The following NOL11 variants were observed in gnomAD, a reference collection of about 807,000 sequenced individuals.
NOL11 encodes nucleolar protein 11.
In NOL11, 42 loss-of-function variants were observed where a neutral mutation model predicts 93.0. The ratio of observed to expected loss-of-function variants is 0.45; its 90% CI spans 0.35 to 0.58. NOL11 has a LOEUF of 0.58. Among genes scored for constraint, NOL11 ranks in the 20% least tolerant of loss-of-function variants. NOL11 has a pLI of 0.00. For missense variants in NOL11, 775 were observed against 841.8 expected (o/e 0.92, Z 0.98); for synonymous variants, 296 against 293.7 (o/e 1.01, Z -0.08).
At position 67,719,713 on chromosome 17, in the gene NOL11, C is replaced by CA; in HGVS notation, c.183dup (p.Gly62ArgfsTer23). On this transcript the variant is annotated frameshift_variant, in exon 2 of 18. Coordinates refer to ENST00000253247, the MANE Select transcript of NOL11 (RefSeq NM_015462.5). LOFTEE classifies it high-confidence loss of function. ...ACCCTTGGGGAGCTGGTCAGTGAAACAAGGTCAAATTATAACATGTCCAGC... is the reference window on the plus strand; with the variant it reads ...ACCCTTGGGGAGCTGGTCAGTGAAACAAAGGTCAAATTATAACATGTCCAGC... 6.2e-7 allele frequency: 1 copy of CA among 1,609,752 alleles called. No individual in the cohort carries two copies. The highest frequency in any genetic ancestry group is 8.5e-7 in the Non-Finnish European group (1 of 1,178,212).
At chr17:67,735,794 CT>C in intron 8 of NOL11, 105 bp from the exon 9 acceptor site, 1 of 721,640 alleles carries the variant, frequency 1.4e-6, no homozygotes, top group South Asian at 3.8e-5. Context: ...CTTACTTTGC[CT>C]CGTTTTTAAT....
chr17:67,743,718 G>A, intron 17 of NOL11, 25 bp from the exon 18 acceptor site: 1 of 1,352,164 alleles, frequency 7.4e-7, no homozygotes, highest in South Asian at 1.4e-5. Flanking sequence ...TATGGTAAAA[G>A]TTACTCTGAA....
chr17:67,721,572 CTGAACATTT>C (rs2043217914), intron 4 of NOL11, 46 bp downstream of exon 4: 1 of 1,530,198 alleles, frequency 6.5e-7, no homozygotes, highest in African/African-American at 1.4e-5. Context: ...TAAAAATGCA[CTGAACATTT>C]TTTTGCCTTG....
intron 8 of NOL11, among the ~76,000 whole-genome samples, chr17:67,734,675 A>G (rs1246321174): frequency 6.6e-6 from 1 of 152,158 alleles, no homozygotes; most frequent in Non-Finnish European, 1.5e-5. Flanking sequence ...GTGTGGTGGT[A>G]TGTGTCTGTA....
Position 67,724,186 on chromosome 17 carries a change from G to A in NOL11, c.657G>A (p.Met219Ile). ...ASVDRKFISLMSLSSDGCIYE... is the reference protein window; with the variant it reads ...ASVDRKFISLISLSSDGCIYE... ...TAGATCGGAAATTCATCTCTTTGATGTCATTAAGTAAGTTTTCTTTCTTTA... is the reference window on the plus strand; with the variant it reads ...TAGATCGGAAATTCATCTCTTTGATATCATTAAGTAAGTTTTCTTTCTTTA... Residue 219 changes from methionine to isoleucine, a missense_variant, in exon 6 of 18, where the codon ATG becomes ATA. By Grantham distance (10) the Met-to-Ile change is conservative. Around this residue, in one of 2 missense-constraint regions of NOL11, gnomAD observed 359 missense variants for 316.5 expected, o/e 1.13. Transcript: ENST00000253247. 1 of 1,554,778 alleles carries A rather than the reference G, an allele frequency of 6.4e-7. No individual in the cohort carries two copies. The highest frequency in any genetic ancestry group is 8.7e-7 in the Non-Finnish European group (1 of 1,148,382).
intron 16 of NOL11, chr17:67,740,625 C>T (rs947616284): frequency 1.6e-3 from 216 of 133,564 alleles, no homozygotes; most frequent in Non-Finnish European, 2.0e-3. Context: ...AAAAAAAAAA[C>T]TTATTTAAAA....
intron 14 of NOL11, 185 bp downstream of exon 14, chr17:67,738,540 A>G (rs2055225380): frequency 1.8e-6 from 1 of 560,494 alleles, no homozygotes; most frequent in East Asian, 2.9e-5. Flanking sequence ...AACCTGTTTA[A>G]TTTAACTAGG....
At position 67,726,498 on chromosome 17, in the gene NOL11, C is replaced by G. The variant is rs545577983; in HGVS notation, c.703C>G (p.Arg235Gly). Residue 235 changes from arginine to glycine, a missense_variant, in exon 7 of 18, where the codon CGT (arginine) becomes GGT (glycine). This residue lies in a region of NOL11 where 359 missense variants were observed against 316.5 expected (regional missense o/e 1.13). Coordinates refer to ENST00000253247, the MANE Select transcript of NOL11 (RefSeq NM_015462.5). ...GCIYETLIPI[R>G]PADPEKNQSL... is the part of the protein sequence containing the mutation. ...TATATATGAAACCTTGATACCAATA[C>G]GTCCAGCTGACCCAGAAAAAAATCA... 6.2e-7 allele frequency: 1 copy of G among 1,613,690 alleles called. No homozygotes were observed. The highest frequency in any genetic ancestry group is 2.2e-5 in the East Asian group (1 of 44,876).
intron 7 of NOL11, among the ~76,000 whole-genome samples, chr17:67,727,724 G>A (rs1245064059): frequency 6.6e-6 from 1 of 151,978 alleles, no homozygotes; most frequent in Admixed American, 6.6e-5. Flanking sequence ...AGCACCTGGG[G>A]AGGCTGAGAC....
chr17:67,733,687 TTTG>T (rs544210034), intron 7 of NOL11, among the ~76,000 whole-genome samples: 101 of 152,304 alleles, frequency 6.6e-4, no homozygotes, highest in African/African-American at 2.3e-3. Context: ...CTGAGTTTTT[TTTG>T]TTGTTGTTTT....
At chr17:67,733,945 G>A (rs533314174) in intron 7 of NOL11, among the ~76,000 whole-genome samples, 1 of 148,070 alleles carries the variant, frequency 6.8e-6, no homozygotes, top group African/African-American at 2.4e-5. Context: ...ATATTGCTCT[G>A]TAGTTTTTTT....
intron 5 of NOL11, among the ~76,000 whole-genome samples, chr17:67,723,005 CTT>C (rs61233443): frequency 8.0e-6 from 1 of 124,612 alleles, no homozygotes; most frequent in South Asian, 2.6e-4. Flanking sequence ...AATTTCAAAA[CTT>C]TTTTTTTTTT....
At chr17:67,730,848 G>A (rs2055147749) in intron 7 of NOL11, among the ~76,000 whole-genome samples, 1 of 152,088 alleles carries the variant, frequency 6.6e-6, no homozygotes, top group Admixed American at 6.5e-5. Context: ...AAGAACTGCC[G>A]AACTCCACAG....
rs188961934 is a variant in NOL11, at chr17:67,726,852, T to C, written c.853+204T>C. On this transcript the variant is annotated intron_variant, in intron 7 of 17. Transcript: ENST00000253247. ...GCATTGATCTTTCAAAAACACTTCT[T>C]GCTATCACCACCATGCTCATAACTA... 1,418 of 437,390 alleles carry C rather than the reference T, an allele frequency of 3.2e-3. 7 individuals are homozygous for C. Among genetic ancestry groups the C allele is most frequent in the Non-Finnish European group, 2.3e-3 (582 of 249,044 alleles). The allele number at this position is 437,390 out of a possible 1,614,324, so 27.1% of individuals were successfully genotyped here.
intron 7 of NOL11, among the ~76,000 whole-genome samples, chr17:67,728,430 C>CTAGG (rs1369085895): frequency 6.6e-6 from 1 of 152,170 alleles, no homozygotes; most frequent in Non-Finnish European, 1.5e-5. Flanking sequence ...AGTAGTGGAA[C>CTAGG]TAGGATTCAA....
At chr17:67,729,168 C>CA (rs780905639) in intron 7 of NOL11, among the ~76,000 whole-genome samples, 1 of 151,320 alleles carries the variant, frequency 6.6e-6, no homozygotes, top group Non-Finnish European at 1.5e-5. Context: ...GATCTCGGCT[C>CA]ACTGCAACCT....
chr17:67,721,752 G>C (rs547256006), intron 4 of NOL11, among the ~76,000 whole-genome samples: 36 of 152,310 alleles, frequency 2.4e-4, no homozygotes, highest in Middle Eastern at 3.4e-3. Flanking sequence ...TTAGTTATTT[G>C]AGGATGAAAT....
intron 9 of NOL11, 131 bp downstream of exon 9, chr17:67,736,154 C>G: frequency 1.2e-6 from 1 of 850,100 alleles, no homozygotes; most frequent in African/African-American, 1.7e-5. Flanking sequence ...TTTATTGAAA[C>G]TTGTGAACAG....
intron 10 of NOL11, 60 bp downstream of exon 10, chr17:67,736,814 G>C: frequency 8.3e-7 from 1 of 1,210,266 alleles, no homozygotes; most frequent in Non-Finnish European, 1.2e-6. Flanking sequence ...GAAAAAGACT[G>C]AATTATTTTA....
Sources: gnomAD v4.1 joint callset for allele counts (sites outside exome capture counted in the v4.1 genomes callset) on GRCh38, gnomAD v4.1.1 for gene constraint, gnomAD v4.1.1 regional missense constraint, MANE v1.5 for transcripts, NCBI Gene and HGNC (gene_info 2026-07-23, HGNC 2026-07-21) for gene names.